Variants in PCP4 observed in about 807,000 individuals in gnomAD.
The protein encoded by PCP4 is calmodulin regulator protein PCP4.
In PCP4, 8 loss-of-function variants were observed where a neutral mutation model predicts 10.0. The observed-to-expected ratio is 0.80, with a 90% CI of 0.47 to 1.45. The LOEUF (loss-of-function observed/expected upper bound fraction) is 1.45. Ranked by LOEUF, PCP4 falls within the 40% of genes most tolerant of loss-of-function variation. PCP4 has a pLI of 0.00. For missense variants in PCP4, 54 were observed against 74.4 expected (o/e 0.73, Z 1.01); for synonymous variants, 21 against 23.0 (o/e 0.91, Z 0.24).
chr21:39,873,560 C>T (rs536325059), intron 1 of PCP4, among the ~76,000 whole-genome samples: 278 of 151,972 alleles, frequency 1.8e-3, no homozygotes, highest in African/African-American at 6.4e-3. Flanking sequence ...CGTCCATATC[C>T]CCATGTGATT....
At chr21:39,927,370 ATC>A (rs2087629879) in intron 2 of PCP4, among the ~76,000 whole-genome samples, 62 of 6,470 alleles carry the variant, frequency 9.6e-3, no homozygotes, top group South Asian at 0.03. Flanking sequence ...TCTATCTATC[ATC>A]TATCTATCTA....
At chr21:39,905,775 A>G (rs2299762) in intron 2 of PCP4, among the ~76,000 whole-genome samples, 36,329 of 152,044 alleles carry the variant, frequency 0.24, 5,141 homozygotes, top group African/African-American at 0.39. Context: ...GTGGCCGGGC[A>G]CGGTGGATCA....
intron 2 of PCP4, among the ~76,000 whole-genome samples, chr21:39,921,206 T>A (rs1258092004): frequency 6.6e-6 from 1 of 152,168 alleles, no homozygotes; most frequent in African/African-American, 2.4e-5. Flanking sequence ...ACTTGGACCA[T>A]CCAAGAGATG....
Position 39,906,797 on chromosome 21 carries a change from A to G in PCP4, c.61+8270A>G, listed in dbSNP as rs564039340. Among the ~76,000 whole-genome samples, 1 of 152,342 alleles carries G rather than the reference A, an allele frequency of 6.6e-6. No homozygotes were observed. The highest frequency in any genetic ancestry group is 2.1e-4 in the South Asian group (1 of 4,818). On this transcript the variant is annotated intron_variant, in intron 2 of 2. Transcript: ENST00000328619. This position sits in a 1 kb window ranked among gnomAD's most constrained non-coding sequence, Gnocchi z 6.3. ...CTTAAAGATCTTCAAGATCTTGGCC[A>G]TGAAGCAGCTTGAACCAGGAAAATG... is the stretch of plus-strand genomic sequence containing the variant.
intron 1 of PCP4, among the ~76,000 whole-genome samples, chr21:39,888,457 C>T (rs1009738323): frequency 6.6e-6 from 1 of 152,184 alleles, no homozygotes; most frequent in Non-Finnish European, 1.5e-5. Context: ...GGTCCAGGCT[C>T]CTTAGATGTG....
At chr21:39,921,982 G>A (rs776788125) in intron 2 of PCP4, among the ~76,000 whole-genome samples, 21 of 152,110 alleles carry the variant, frequency 1.4e-4, no homozygotes, top group Non-Finnish European at 2.2e-4. Context: ...ATTTATCAAA[G>A]CATTTTTCTG....
At chr21:39,887,941 C>T (rs62235436) in intron 1 of PCP4, among the ~76,000 whole-genome samples, 16,577 of 152,146 alleles carry the variant, frequency 0.11, 1,000 homozygotes, top group African/African-American at 0.15. Flanking sequence ...GAGGAATATG[C>T]AATATCTGAA....
chr21:39,897,054 G>A (rs2087460141), intron 1 of PCP4, among the ~76,000 whole-genome samples: 1 of 152,014 alleles, frequency 6.6e-6, no homozygotes. Flanking sequence ...CATGATCTGG[G>A]GCAAGTCATG....
intron 2 of PCP4, among the ~76,000 whole-genome samples, chr21:39,927,089 A>G (rs2087625138): frequency 6.6e-6 from 1 of 152,140 alleles, no homozygotes; most frequent in Admixed American, 6.5e-5. Context: ...CAGAGCTGAC[A>G]TTCCCTCCTC....
chr21:39,912,066 G>A (rs2146345060), intron 2 of PCP4, among the ~76,000 whole-genome samples: 1 of 152,244 alleles, frequency 6.6e-6, no homozygotes, highest in South Asian at 2.1e-4. Flanking sequence ...ACTGCTCCTG[G>A]GAGATGTTTG....
At chr21:39,903,535 T>C (rs1451549877) in intron 2 of PCP4, among the ~76,000 whole-genome samples, 1 of 152,026 alleles carries the variant, frequency 6.6e-6, no homozygotes, top group African/African-American at 2.4e-5. Flanking sequence ...GCCTGAGAAG[T>C]TTCAGTAGGT....
intron 2 of PCP4, among the ~76,000 whole-genome samples, chr21:39,928,760 C>T (rs1052934112): frequency 6.6e-6 from 1 of 152,146 alleles, no homozygotes; most frequent in Non-Finnish European, 1.5e-5. Flanking sequence ...AGTGTTGAGA[C>T]TGTGTCCTTG....
intron 1 of PCP4, among the ~76,000 whole-genome samples, chr21:39,876,810 C>A (rs2087348418): frequency 6.6e-6 from 1 of 152,226 alleles, no homozygotes; most frequent in South Asian, 2.1e-4. Context: ...ACACTGTGGT[C>A]TGTGCCAACA....
intron 2 of PCP4, among the ~76,000 whole-genome samples, chr21:39,911,018 CTT>C (rs568969412): frequency 8.9e-4 from 122 of 136,366 alleles, no homozygotes; most frequent in Non-Finnish European, 1.5e-3. Context: ...AATTCTGACT[CTT>C]TATGATTCTG....
intron 1 of PCP4, among the ~76,000 whole-genome samples, chr21:39,884,472 C>A (rs771881758): frequency 2.6e-5 from 4 of 151,880 alleles, no homozygotes; most frequent in Non-Finnish European, 5.9e-5. Context: ...AGCCAACGCA[C>A]CCAGCTGACA....
intron 2 of PCP4, among the ~76,000 whole-genome samples, chr21:39,923,971 A>G (rs543413103): frequency 6.6e-6 from 1 of 152,358 alleles, no homozygotes; most frequent in Admixed American, 6.5e-5. Context: ...TCTCTTTTGA[A>G]CAAATTTTAA....
intron 2 of PCP4, among the ~76,000 whole-genome samples, chr21:39,905,984 A>G (rs2087506496): frequency 6.6e-6 from 1 of 152,214 alleles, no homozygotes; most frequent in African/African-American, 2.4e-5. Context: ...CAGGAGGCAG[A>G]GCTTGCAGTG....
intron 1 of PCP4, among the ~76,000 whole-genome samples, chr21:39,897,025 C>G (rs904994036): frequency 6.6e-6 from 1 of 152,126 alleles, no homozygotes; most frequent in African/African-American, 2.4e-5. Flanking sequence ...CCAGTCTTGA[C>G]TCTGCCACTC....
intron 1 of PCP4, among the ~76,000 whole-genome samples, chr21:39,868,810 G>A (rs1188584879): frequency 2.6e-5 from 4 of 152,172 alleles, no homozygotes. Context: ...CTGCAATGCT[G>A]GGTGGTTGAC....
Sources: allele counts gnomAD v4.1 joint callset (sites outside exome capture counted in the v4.1 genomes callset), GRCh38; gene constraint gnomAD v4.1.1; non-coding constraint Gnocchi (gnomAD v3.1); transcripts MANE v1.5; gene names NCBI Gene and HGNC (gene_info 2026-07-23, HGNC 2026-07-21).